PNOC: variants seen among roughly 807,000 people sequenced by gnomAD.
PNOC encodes nociceptin.
A neutral mutation model predicts 15.6 loss-of-function variants in PNOC; 10 were observed. That is an observed-to-expected ratio of 0.64 (90% CI 0.40 to 1.09). The LOEUF (loss-of-function observed/expected upper bound fraction) is 1.09. Ranked by LOEUF, PNOC falls within the 50% of genes least tolerant of loss-of-function variation. The pLI is 0.01. For missense variants in PNOC, 220 were observed against 223.9 expected (o/e 0.98, Z 0.11); for synonymous variants, 98 against 88.5 (o/e 1.11, Z -0.60).
Position 28,329,204 on chromosome 8 carries a change from G to A in PNOC, c.47G>A (p.Ser16Asn). ...CTGCTGCTGCTCAGTCTCTTCTCCA[G>A]TGTGTTCAGCAGTTGTCAGAGGGAC... ...CDLLLLSLFS[S>N]VFSSCQRDCL... The change falls in exon 2 of 4, where the codon AGT becomes AAT. Residue 16 changes from serine (S) to asparagine (N), a missense_variant. Ser to Asn is a conservative substitution (Grantham distance 46). Coordinates refer to ENST00000301908, the MANE Select transcript of PNOC (RefSeq NM_006228.5). The A allele has an allele frequency of 1.9e-6, 3 of 1,614,014 alleles. No individual in the cohort carries two copies. Among genetic ancestry groups the A allele is most frequent in the South Asian group, 2.2e-5 (2 of 91,082 alleles).
At chr8:28,332,612 A>G (rs769222836) in intron 2 of PNOC, among the ~76,000 whole-genome samples, 26 of 152,232 alleles carry the variant, frequency 1.7e-4, no homozygotes, top group Non-Finnish European at 3.5e-4. Flanking sequence ...GACAAAAATA[A>G]GGCAACCAAT....
chr8:28,336,396 T>C (rs1215048575), intron 2 of PNOC, among the ~76,000 whole-genome samples: 3 of 152,142 alleles, frequency 2.0e-5, no homozygotes, highest in Non-Finnish European at 4.4e-5. Flanking sequence ...AACTAGAAGT[T>C]ATCAGAGAGG....
chr8:28,335,314 T>C (rs1360254598), intron 2 of PNOC, among the ~76,000 whole-genome samples: 2 of 152,266 alleles, frequency 1.3e-5, no homozygotes, highest in Non-Finnish European at 2.9e-5. Context: ...CTTTGAGTTC[T>C]TGTTCAGGTT....
chr8:28,318,627 GTTACCTTTAACAAAAAGGAT>G (rs1801098563), intron 1 of PNOC, among the ~76,000 whole-genome samples: 1 of 152,206 alleles, frequency 6.6e-6, no homozygotes, highest in Non-Finnish European at 1.5e-5. Context: ...CTGAGGCTAT[GTTACCTTTAACAAAAAGGAT>G]TCGTGCTCCT....
At chr8:28,338,668 A>G in intron 2 of PNOC, 1 of 1,008,326 alleles carries the variant, frequency 9.9e-7, no homozygotes, top group Non-Finnish European at 1.2e-6. Context: ...AAAATTCTTT[A>G]TGGGTGACAG....
chr8:28,340,276 T>A (rs1299967085), intron 3 of PNOC: 1 of 151,048 alleles, frequency 6.6e-6, no homozygotes, highest in Admixed American at 6.6e-5. Context: ...GTTTGCTTGC[T>A]TTTATTCCTC....
intron 1 of PNOC, among the ~76,000 whole-genome samples, chr8:28,324,732 G>A (rs1040529853): frequency 9.2e-5 from 14 of 152,180 alleles, no homozygotes; most frequent in African/African-American, 2.9e-4. Flanking sequence ...GGGTGGTGGT[G>A]CACTCCTGGA....
intron 1 of PNOC, among the ~76,000 whole-genome samples, chr8:28,318,398 T>C (rs2129832816): frequency 6.6e-6 from 1 of 152,298 alleles, no homozygotes; most frequent in East Asian, 1.9e-4. Context: ...ACCAATAACA[T>C]TGTTCGGCAG....
At chr8:28,331,565 C>G (rs1801329924) in intron 2 of PNOC, among the ~76,000 whole-genome samples, 2 of 152,158 alleles carry the variant, frequency 1.3e-5, no homozygotes, top group African/African-American at 4.8e-5. Flanking sequence ...TCCTGAACTC[C>G]TCTCACCTGG....
At chr8:28,331,940 C>A (rs916399839) in intron 2 of PNOC, among the ~76,000 whole-genome samples, 1 of 152,202 alleles carries the variant, frequency 6.6e-6, no homozygotes, top group Non-Finnish European at 1.5e-5. Context: ...ATTCTAAGAC[C>A]ATTAGTCTCC....
chr8:28,338,748 C>T (rs2129904038), intron 2 of PNOC: 2 of 1,125,100 alleles, frequency 1.8e-6, no homozygotes, highest in South Asian at 4.1e-5. Context: ...GCGCATTTAT[C>T]CTGTGTTAAC....
Position 28,339,355 on chromosome 8 carries a change from C to T in PNOC, c.442C>T (p.Arg148Trp), listed in dbSNP as rs778385875. ...GGCCAGGAAGTTGGCCAATCAGAAG[C>T]GGTTCAGTGAGTTTATGAGGCAATA... Reference protein sequence around the residue: ...KSARKLANQKRFSEFMRQYLV... With the variant: ...KSARKLANQKWFSEFMRQYLV... The change falls in exon 3 of 4, where the codon CGG (arginine) becomes TGG (tryptophan). Residue 148 changes from arginine (R) to tryptophan (W), a missense_variant. Physicochemically the swap from Arg to Trp is moderately radical, Grantham distance 101. Coordinates refer to ENST00000301908, the MANE Select transcript of PNOC (RefSeq NM_006228.5). The T allele has an allele frequency of 3.1e-6, 5 of 1,608,770 alleles. No homozygotes were observed. The African/African-American group carries it at 4.0e-5, about 13-fold the overall frequency.
At chr8:28,332,957 T>C (rs1375639487) in intron 2 of PNOC, among the ~76,000 whole-genome samples, 1 of 152,138 alleles carries the variant, frequency 6.6e-6, no homozygotes. Context: ...TCTCAATCAA[T>C]CAATAAAATT....
At chr8:28,323,873 C>A (rs1801184048) in intron 1 of PNOC, among the ~76,000 whole-genome samples, 1 of 152,222 alleles carries the variant, frequency 6.6e-6, no homozygotes, top group South Asian at 2.1e-4. Flanking sequence ...TGAGTTTTCA[C>A]TGACATTAAT....
chr8:28,329,398 C>T (rs1801285267), intron 2 of PNOC, 115 bp downstream of exon 2: 6 of 1,214,402 alleles, frequency 4.9e-6, no homozygotes, highest in African/African-American at 1.5e-5. Context: ...GCTCACAGGA[C>T]TTGCTCAGCA....
chr8:28,317,179 G>A (rs1398225774), upstream of PNOC: 2 of 152,774 alleles, frequency 1.3e-5, no homozygotes, highest in African/African-American at 4.8e-5. Context: ...AAGGGGGTCA[G>A]TGTGTGTATG....
chr8:28,332,152 T>C (rs1050149331), intron 2 of PNOC, among the ~76,000 whole-genome samples: 1 of 152,212 alleles, frequency 6.6e-6, no homozygotes, highest in East Asian at 1.9e-4. Flanking sequence ...ACCTTCACAG[T>C]GCTCGCTAAC....
chr8:28,323,783 T>C (rs1372588793), intron 1 of PNOC, among the ~76,000 whole-genome samples: 2 of 152,248 alleles, frequency 1.3e-5, no homozygotes, highest in Non-Finnish European at 2.9e-5. Flanking sequence ...TGATTTAACC[T>C]AGAACACAGT....
intron 2 of PNOC, chr8:28,338,499 T>C: frequency 1.5e-6 from 1 of 661,254 alleles, no homozygotes; most frequent in Non-Finnish European, 1.9e-6. Flanking sequence ...GATACACAGA[T>C]AGTGACGACT....
Sources: allele counts gnomAD v4.1 joint callset (sites outside exome capture counted in the v4.1 genomes callset), GRCh38; gene constraint gnomAD v4.1.1; transcripts MANE v1.5; gene names NCBI Gene and HGNC (gene_info 2026-07-23, HGNC 2026-07-21).